Variants in CLVS2 observed in about 807,000 individuals in gnomAD.
CLVS2 encodes clavesin 2.
A neutral mutation model predicts 29.0 loss-of-function variants in CLVS2; 19 were observed. That is an observed-to-expected ratio of 0.66 (90% confidence interval 0.46 to 0.96). The LOEUF is 0.96. Ranked by LOEUF, CLVS2 falls within the 40% of genes least tolerant of loss-of-function variation. The probability of loss-of-function intolerance (pLI) is 0.00; values close to 1 mark genes in which losing one functional copy is unlikely to be tolerated. For missense variants in CLVS2, 294 were observed against 404.1 expected (o/e 0.73, Z 2.34); for synonymous variants, 161 against 151.3 (o/e 1.06, Z -0.47).
chr6:122,997,685 C>G lies in CLVS2; in HGVS notation c.-93C>G. ...GGAGAGGAAGCAGGCAGCAGGAGGT[C>G]TGGGGGCTGGAGTCTGGTGGTGGCA... On this transcript the variant is annotated 5_prime_UTR_variant, in exon 2 of 6. Coordinates refer to ENST00000275162, the MANE Select transcript of CLVS2 (RefSeq NM_001010852.4). The G allele has an allele frequency of 7.9e-7, 1 of 1,272,774 alleles. No individual in the cohort carries two copies. The highest frequency in any genetic ancestry group is 1.4e-5 in the South Asian group (1 of 72,256). 78.8% of individuals were successfully genotyped at this position (1,272,774 alleles called of 1,614,324 possible). A position where few individuals can be genotyped will look rare whatever the true frequency, so the allele number is the denominator to read the frequency against.
chr6:123,062,524 G>A (rs936386205), intron 5 of CLVS2, among the ~76,000 whole-genome samples: 1 of 151,738 alleles, frequency 6.6e-6, no homozygotes, highest in Non-Finnish European at 1.5e-5. Flanking sequence ...TTAATATTGA[G>A]ATAAAATAGT....
At chr6:123,039,262 G>C (rs1370478996) in intron 3 of CLVS2, among the ~76,000 whole-genome samples, 1 of 152,152 alleles carries the variant, frequency 6.6e-6, no homozygotes, top group Non-Finnish European at 1.5e-5. Context: ...TCAAGTAGGA[G>C]ACCCAATCCA....
chr6:123,052,000 T>A (rs1322025760), intron 4 of CLVS2, among the ~76,000 whole-genome samples: 1 of 152,172 alleles, frequency 6.6e-6, no homozygotes, highest in Non-Finnish European at 1.5e-5. Flanking sequence ...AATTCACATG[T>A]AAGAGTTCTA....
At chr6:123,013,661 T>A (rs1168028251) in intron 3 of CLVS2, among the ~76,000 whole-genome samples, 1 of 151,854 alleles carries the variant, frequency 6.6e-6, no homozygotes, top group Non-Finnish European at 1.5e-5. Flanking sequence ...TTTATTTTTT[T>A]ATTTTATTAT....
rs1772848386 is a variant in CLVS2, at chr6:123,065,991, A to G, written c.*2230A>G. 1 of 151,768 alleles carries G rather than the reference A, an allele frequency of 6.6e-6. No individual in the cohort carries two copies. The highest frequency in any genetic ancestry group is 2.1e-4 in the South Asian group (1 of 4,834). 9.4% of individuals were successfully genotyped at this position (151,768 alleles called of 1,614,324 possible). A position where few individuals can be genotyped will look rare whatever the true frequency, so the allele number is the denominator to read the frequency against. On this transcript the variant is annotated 3_prime_UTR_variant, in exon 6 of 6. Transcript: ENST00000275162. ...CCAGACCCACATTTGGAAAGTTTGC[A>G]TTGCATTACTGCTCATCTTTAGATG... is the stretch of plus-strand genomic sequence containing the variant.
chr6:123,050,258 G>T (rs1330239196), intron 4 of CLVS2, among the ~76,000 whole-genome samples: 1 of 152,130 alleles, frequency 6.6e-6, no homozygotes, highest in Non-Finnish European at 1.5e-5. Flanking sequence ...TTTAATGAAA[G>T]GATGATCAAG....
Position 123,068,505 on chromosome 6 carries a change from A to C in CLVS2, c.*4744A>C, listed in dbSNP as rs1772895632. ...AAAAAATTGCAATGAATTTTAATTC[A>C]TTTACTTTTAACAGAGATACAAAGC... On this transcript the variant is annotated 3_prime_UTR_variant, in exon 6 of 6. Coordinates refer to ENST00000275162, the MANE Select transcript of CLVS2 (RefSeq NM_001010852.4). 1 of 151,722 alleles carries C rather than the reference A, an allele frequency of 6.6e-6. No individual in the cohort carries two copies. The highest frequency in any genetic ancestry group is 1.5e-5 in the Non-Finnish European group (1 of 67,738). The allele number at this position is 151,722 out of a possible 1,614,324, so 9.4% of individuals were successfully genotyped here. A position where few individuals can be genotyped will look rare whatever the true frequency, so the allele number is the denominator to read the frequency against.
intron 3 of CLVS2, among the ~76,000 whole-genome samples, chr6:123,015,430 G>C (rs1481314247): frequency 1.3e-5 from 2 of 152,014 alleles, no homozygotes; most frequent in African/African-American, 4.8e-5. Context: ...CATTTTTATA[G>C]GATAGGAAGT....
At chr6:123,031,929 C>T (rs1775089039) in intron 3 of CLVS2, among the ~76,000 whole-genome samples, 1 of 151,994 alleles carries the variant, frequency 6.6e-6, no homozygotes, top group Non-Finnish European at 1.5e-5. Flanking sequence ...ATTATAGTTA[C>T]AAGCCAGAAC....
intron 3 of CLVS2, among the ~76,000 whole-genome samples, chr6:123,041,025 C>A (rs1297403561): frequency 6.6e-6 from 1 of 152,086 alleles, no homozygotes; most frequent in Non-Finnish European, 1.5e-5. Context: ...ACAAGTGGAA[C>A]TCATGCCATT....
chr6:123,040,697 G>A (rs1237734803), intron 3 of CLVS2, among the ~76,000 whole-genome samples: 2 of 151,910 alleles, frequency 1.3e-5, no homozygotes, highest in Non-Finnish European at 2.9e-5. Flanking sequence ...GGAGTCGGGA[G>A]GCTGAAGTTG....
intron 4 of CLVS2, 151 bp from the exon 5 acceptor site, chr6:123,055,655 G>A (rs1001033415): frequency 3.2e-6 from 2 of 629,082 alleles, no homozygotes; most frequent in Non-Finnish European, 5.7e-6. Context: ...AGCTCTGCCT[G>A]TTTTACAGAG....
At chr6:123,040,666 A>G (rs1264785666) in intron 3 of CLVS2, among the ~76,000 whole-genome samples, 3 of 151,712 alleles carry the variant, frequency 2.0e-5, no homozygotes, top group Admixed American at 6.6e-5. Context: ...AGTGGCGGGT[A>G]CCTGTAAGCC....
rs148519597 is a variant in CLVS2 at position 123,071,507 on chromosome 6, T to G, written c.*7746T>G. On this transcript the variant is annotated 3_prime_UTR_variant, in exon 6 of 6. Transcript: ENST00000275162. ...ACTACAAGATAGCTCAGGGGAAAAG[T>G]CATTTTGAGATTAAAACTACATGGA... 5 of 152,104 alleles carry G rather than the reference T, an allele frequency of 3.3e-5. No homozygotes were observed. In the East Asian group the frequency reaches 9.7e-4, roughly 29 times the overall value. The allele number at this position is 152,104 out of a possible 1,614,324, so 9.4% of individuals were successfully genotyped here.
chr6:123,063,979 T>C lies in CLVS2; in HGVS notation c.*218T>C. On this transcript the variant is annotated 3_prime_UTR_variant, in exon 6 of 6. Transcript: ENST00000275162. ...AATTTATTCTGTAAGTGCCAAGTTG[T>C]TTGTAAATATAATGTAATCTTCATG... 1.3e-5 allele frequency: 5 copies of C among 394,088 alleles called. No individual in the cohort carries two copies. The highest frequency in any genetic ancestry group is 1.8e-5 in the Non-Finnish European group (4 of 219,094). The allele number at this position is 394,088 out of a possible 1,614,324, so 24.4% of individuals were successfully genotyped here. A position where few individuals can be genotyped will look rare whatever the true frequency, so the allele number is the denominator to read the frequency against.
intron 3 of CLVS2, among the ~76,000 whole-genome samples, chr6:123,022,503 A>T (rs1018604061): frequency 6.6e-6 from 1 of 151,992 alleles, no homozygotes; most frequent in East Asian, 1.9e-4. Flanking sequence ...TGGTGGTAGG[A>T]GATAAATTAT....
At chr6:123,022,325 G>T (rs1401151541) in intron 3 of CLVS2, among the ~76,000 whole-genome samples, 1 of 151,962 alleles carries the variant, frequency 6.6e-6, no homozygotes, top group Non-Finnish European at 1.5e-5. Context: ...ACCATAGTTT[G>T]TACTGTCTGC....
chr6:123,064,354 T>C lies in CLVS2; in HGVS notation c.*593T>C, dbSNP rs1438633566. On this transcript the variant is annotated 3_prime_UTR_variant, in exon 6 of 6. Transcript: ENST00000275162. ...TGGAGGCAAGGAATGGCAGATGAGC[T>C]GGTAAACTGAACACTTGAACTCTTC... 6.6e-6 allele frequency: 1 copy of C among 152,096 alleles called. No homozygotes were observed. The highest frequency in any genetic ancestry group is 1.5e-5 in the Non-Finnish European group (1 of 67,950). The allele number at this position is 152,096 out of a possible 1,614,324, so 9.4% of individuals were successfully genotyped here.
intron 3 of CLVS2, among the ~76,000 whole-genome samples, chr6:123,018,610 ATTCTC>A (rs1490339177): frequency 1.3e-5 from 2 of 150,722 alleles, no homozygotes; most frequent in Non-Finnish European, 3.0e-5. Flanking sequence ...CTCTTGTTCT[ATTCTC>A]TTAAGATTGT....
Sources: allele counts gnomAD v4.1 joint callset (sites outside exome capture counted in the v4.1 genomes callset), GRCh38; gene constraint gnomAD v4.1.1; transcripts MANE v1.5; gene names NCBI Gene and HGNC (gene_info 2026-07-23, HGNC 2026-07-21).